The following CFAP52 variants were observed in gnomAD, a reference collection of about 807,000 sequenced individuals.
CFAP52 encodes the protein cilia and flagella associated protein 52, also known as cilia- and flagella-associated protein 52.
In CFAP52, 57 loss-of-function variants were observed where a neutral mutation model predicts 70.5. The ratio of observed to expected loss-of-function variants is 0.81; its 90% CI spans 0.65 to 1.01. CFAP52 has a LOEUF of 1.01. Among genes scored for constraint, CFAP52 ranks in the 50% least tolerant of loss-of-function variants. The pLI, the probability that CFAP52 is intolerant of heterozygous loss-of-function variation, is 0.00. For missense variants in CFAP52, 785 were observed against 788.5 expected, an observed-to-expected ratio of 1.00 and a Z score of 0.05; for synonymous variants, 267 against 292.5, an observed-to-expected ratio of 0.91 and a Z score of 0.89.
intron 1 of CFAP52, among the ~76,000 whole-genome samples, chr17:9,581,211 GGAGGCT>G (rs1908215237): frequency 6.6e-6 from 1 of 152,172 alleles, no homozygotes; most frequent in African/African-American, 2.4e-5. Context: ...CAGCTACTCG[GGAGGCT>G]GAGGCAGGAG....
intron 10 of CFAP52, among the ~76,000 whole-genome samples, chr17:9,634,811 A>G (rs1699791057): frequency 1.3e-5 from 2 of 152,102 alleles, no homozygotes; most frequent in South Asian, 4.1e-4. Flanking sequence ...CCTTTTATCT[A>G]TCCTTTTTAT....
chr17:9,632,102 G>A (rs972457369), intron 9 of CFAP52, among the ~76,000 whole-genome samples: 4 of 151,152 alleles, frequency 2.6e-5, no homozygotes, highest in African/African-American at 4.9e-5. Context: ...TTTTGAGACA[G>A]GGTCTTGCTC....
intron 6 of CFAP52, among the ~76,000 whole-genome samples, chr17:9,606,003 G>A (rs895727001): frequency 7.9e-5 from 12 of 152,086 alleles, no homozygotes; most frequent in African/African-American, 2.4e-4. Context: ...GTGGGGGAAA[G>A]AAGTATTGGG....
intron 3 of CFAP52, among the ~76,000 whole-genome samples, chr17:9,591,030 C>CTTTTTTTTTTTTT (rs34888799): frequency 1.3e-5 from 1 of 76,758 alleles, no homozygotes; most frequent in Non-Finnish European, 2.2e-5. Flanking sequence ...TTGCATGCAT[C>CTTTTTTTTTTTTT]TTTTTTTTTT....
chr17:9,625,361 G>A (rs1910198341), intron 8 of CFAP52, among the ~76,000 whole-genome samples: 1 of 151,900 alleles, frequency 6.6e-6, no homozygotes, highest in Non-Finnish European at 1.5e-5. Context: ...TTGCCACTAG[G>A]ATATTCCCCC....
intron 9 of CFAP52, among the ~76,000 whole-genome samples, chr17:9,631,056 A>AGAGAG (rs1229380118): frequency 3.4e-4 from 24 of 70,888 alleles, no homozygotes; most frequent in African/African-American, 1.2e-3. Flanking sequence ...GAGAGAGAGA[A>AGAGAG]AGAAAGAAAG....
Position 9,626,310 on chromosome 17 carries a change from A to G in CFAP52, c.1026-2362A>G, listed in dbSNP as rs558103572. Among the ~76,000 whole-genome samples, 17 of 152,222 alleles carry G rather than the reference A, an allele frequency of 1.1e-4. No homozygotes were observed. The South Asian group carries it at 1.5e-3, about 13-fold the overall frequency. On this transcript the variant is annotated intron_variant, in intron 8 of 13. Coordinates refer to ENST00000352665, the MANE Select transcript of CFAP52 (RefSeq NM_145054.5). Reference sequence around the variant, plus strand: ...AATGGCATGATCTCAGCTCACTGCAACCTCCGCCTCCTGGGTTCAAGTGAT... The same window carrying G: ...AATGGCATGATCTCAGCTCACTGCAGCCTCCGCCTCCTGGGTTCAAGTGAT...
At chr17:9,598,865 A>G (rs1161596765) in intron 5 of CFAP52, among the ~76,000 whole-genome samples, 1 of 152,038 alleles carries the variant, frequency 6.6e-6, no homozygotes, top group Admixed American at 6.6e-5. Flanking sequence ...TTTTGCTGGA[A>G]TCTAGGCTGT....
chr17:9,582,108 T>C (rs533302964), intron 1 of CFAP52, among the ~76,000 whole-genome samples: 7 of 152,322 alleles, frequency 4.6e-5, no homozygotes, highest in African/African-American at 1.7e-4. Flanking sequence ...AAAACAAAAA[T>C]AAATCTGAAG....
intron 8 of CFAP52, among the ~76,000 whole-genome samples, chr17:9,613,477 GTTTTGTT>G (rs1289906452): frequency 6.6e-6 from 1 of 151,076 alleles, no homozygotes; most frequent in Non-Finnish European, 1.5e-5. Flanking sequence ...TTTTTGTTTT[GTTTTGTT>G]TTTTGTTTTT....
chr17:9,626,836 G>C (rs2151947035), intron 8 of CFAP52, among the ~76,000 whole-genome samples: 2 of 152,184 alleles, frequency 1.3e-5, no homozygotes, highest in East Asian at 3.9e-4. Context: ...ATGTGTGGAA[G>C]GGATCCACTT....
chr17:9,616,425 G>A (rs1909927318), intron 8 of CFAP52, among the ~76,000 whole-genome samples: 2 of 129,084 alleles, frequency 1.5e-5, no homozygotes, highest in South Asian at 5.7e-4. Flanking sequence ...CTGGGGGAGG[G>A]GCGCCCGCCA....
chr17:9,629,324 T>C (rs999040178), intron 9 of CFAP52, among the ~76,000 whole-genome samples: 3 of 152,204 alleles, frequency 2.0e-5, no homozygotes, highest in African/African-American at 7.2e-5. Context: ...TTTCTCAGTA[T>C]TGTCTTATGC....
intron 8 of CFAP52, among the ~76,000 whole-genome samples, chr17:9,614,501 A>G (rs574566185): frequency 7.9e-5 from 12 of 152,200 alleles, no homozygotes; most frequent in Non-Finnish European, 1.8e-4. Flanking sequence ...GTCTGATATT[A>G]AGATTACCAC....
intron 1 of CFAP52, among the ~76,000 whole-genome samples, chr17:9,585,027 A>G (rs1248374640): frequency 1.3e-5 from 2 of 152,144 alleles, no homozygotes; most frequent in African/African-American, 2.4e-5. Context: ...AAATAGGCCA[A>G]ATTTTTATAT....
At chr17:9,606,496 T>G (rs188392035) in intron 6 of CFAP52, among the ~76,000 whole-genome samples, 24 of 152,318 alleles carry the variant, frequency 1.6e-4, no homozygotes, top group Admixed American at 1.6e-3. Flanking sequence ...TCATTCGATC[T>G]TCATAAACGC....
rs1327805045 is a variant in CFAP52, at chr17:9,631,077, A to G, written c.1175-1811A>G. ...GAGAAAGAAAGAAAGAAAGAAAGAAAGAAAGAGAAAGAAAGAAAGAGAAAG... is the reference window on the plus strand; with the variant it reads ...GAGAAAGAAAGAAAGAAAGAAAGAAGGAAAGAGAAAGAAAGAAAGAGAAAG... On this transcript the variant is annotated intron_variant, in intron 9 of 13. Transcript: ENST00000352665. 1.0e-3 allele frequency among the ~76,000 whole-genome samples: 137 copies of G among 135,142 alleles called. 6 individuals are homozygous for G. Among genetic ancestry groups the G allele is most frequent in the African/African-American group, 3.7e-3 (131 of 35,202 alleles). The allele number at this position is 135,142 out of a possible 152,430, so 88.7% of individuals were successfully genotyped here.
intron 3 of CFAP52, among the ~76,000 whole-genome samples, chr17:9,592,522 A>T (rs73253847): frequency 0.14 from 20,545 of 151,596 alleles, 2,641 homozygotes; most frequent in East Asian, 0.47. Context: ...ATCACTCTCC[A>T]TCCCTCCTCC....
intron 9 of CFAP52, among the ~76,000 whole-genome samples, chr17:9,632,038 G>A (rs969540497): frequency 2.2e-4 from 33 of 151,258 alleles, no homozygotes; most frequent in East Asian, 3.9e-4. Flanking sequence ...CTCCCAAAGC[G>A]CTGGGATTAC....
Sources: allele counts gnomAD v4.1 joint callset (sites outside exome capture counted in the v4.1 genomes callset), GRCh38; gene constraint gnomAD v4.1.1; transcripts MANE v1.5; gene names NCBI Gene and HGNC (gene_info 2026-07-23, HGNC 2026-07-21).